The following MYO16 variants were observed in gnomAD, a reference collection of about 807,000 sequenced individuals.
The protein encoded by MYO16 is myosin XVI.
A neutral mutation model predicts 205.3 loss-of-function variants in MYO16; 94 were observed. That is an observed-to-expected ratio of 0.46 (90% confidence interval 0.39 to 0.54). MYO16 has a LOEUF of 0.54. Among genes scored for constraint, MYO16 ranks in the 20% least tolerant of loss-of-function variants. The pLI, the probability that MYO16 is intolerant of heterozygous loss-of-function variation, is 0.00. For missense variants in MYO16, 2,315 were observed against 2,387.5 expected, an observed-to-expected ratio of 0.97 and a Z score of 0.63; for synonymous variants, 988 against 954.0, an observed-to-expected ratio of 1.04 and a Z score of -0.66.
upstream of MYO16, among the ~76,000 whole-genome samples, chr13:108,594,780 C>A (rs72664927): frequency 6.6e-6 from 1 of 152,296 alleles, no homozygotes; most frequent in Non-Finnish European, 1.5e-5. Flanking sequence ...GGTCTTGTAC[C>A]ATTGCCTGCT....
chr13:108,707,960 CA>C (rs1410654568), intron 2 of MYO16, among the ~76,000 whole-genome samples: 4 of 152,148 alleles, frequency 2.6e-5, no homozygotes, highest in East Asian at 1.9e-4. Flanking sequence ...TTTTGGAGGA[CA>C]AAAACTCAGC....
chr13:108,932,677 G>A (rs1446619808), intron 16 of MYO16, among the ~76,000 whole-genome samples: 1 of 152,098 alleles, frequency 6.6e-6, no homozygotes, highest in African/African-American at 2.4e-5. Context: ...AAGTTTCCTT[G>A]TTGTCTGGCT....
intron 2 of MYO16, among the ~76,000 whole-genome samples, chr13:108,683,659 A>T (rs1378540486): frequency 6.6e-6 from 1 of 152,214 alleles, no homozygotes; most frequent in Non-Finnish European, 1.5e-5. Context: ...ATTGAAAATT[A>T]TTCTATAAAG....
chr13:108,918,746 C>T (rs1881610820), intron 16 of MYO16, among the ~76,000 whole-genome samples: 1 of 152,200 alleles, frequency 6.6e-6, no homozygotes, highest in African/African-American at 2.4e-5. Flanking sequence ...CGAGACCAAC[C>T]TGGCCAACAT....
intron 25 of MYO16, among the ~76,000 whole-genome samples, chr13:109,054,588 C>T (rs1887354041): frequency 6.6e-6 from 1 of 151,990 alleles, no homozygotes; most frequent in Non-Finnish European, 1.5e-5. Context: ...AAATGAGGAT[C>T]TATGTTTATT....
At chr13:108,966,489 C>T (rs1472028869) in intron 20 of MYO16, among the ~76,000 whole-genome samples, 1 of 152,132 alleles carries the variant, frequency 6.6e-6, no homozygotes, top group Non-Finnish European at 1.5e-5. Context: ...CAGAGAAAAA[C>T]TACAAACATA....
intron 4 of MYO16, among the ~76,000 whole-genome samples, chr13:108,751,233 G>A (rs546406878): frequency 6.6e-6 from 1 of 152,078 alleles, no homozygotes; most frequent in East Asian, 1.9e-4. Context: ...TTGGAGAAAC[G>A]ACTGAATCTA....
At position 108,950,098 on chromosome 13, in the gene MYO16, A is replaced by G. The variant is rs1335048510; in HGVS notation, c.1926-7590A>G. On this transcript the variant is annotated intron_variant, in intron 16 of 34. Transcript: ENST00000457511. ...TAAAGCAATACAATTTTTAGGGAAC[A>G]AAAGAAGGAAATATTTGGGATCCAT... is the stretch of plus-strand genomic sequence containing the variant. Among the ~76,000 whole-genome samples, 58 of 152,234 alleles carry G rather than the reference A, an allele frequency of 3.8e-4. 1 individual carries two copies. Among genetic ancestry groups the G allele is most frequent in the Non-Finnish European group, 8.8e-5 (6 of 68,038 alleles).
At chr13:108,803,176 T>C in intron 6 of MYO16, among the ~76,000 whole-genome samples, 1 of 152,228 alleles carries the variant, frequency 6.6e-6, no homozygotes, top group East Asian at 1.9e-4. Flanking sequence ...TGTTTTGCTG[T>C]TGAAACCAGG....
At chr13:109,130,116 A>G (rs1876460511) in intron 31 of MYO16, among the ~76,000 whole-genome samples, 2 of 152,170 alleles carry the variant, frequency 1.3e-5, no homozygotes, top group African/African-American at 2.4e-5. Flanking sequence ...AAGATTAATA[A>G]AGAAGACAGC....
At chr13:108,536,696 A>G in the MYO16 span, among the ~76,000 whole-genome samples, 1 of 152,190 alleles carries the variant, frequency 6.6e-6, no homozygotes, top group Non-Finnish European at 1.5e-5. Flanking sequence ...TGAAACTTTT[A>G]GTATAAACCA....
intron 20 of MYO16, among the ~76,000 whole-genome samples, chr13:108,986,127 A>T (rs979012722): frequency 6.6e-6 from 1 of 152,140 alleles, no homozygotes; most frequent in Non-Finnish European, 1.5e-5. Context: ...CACTATCATG[A>T]GATTATCGTG....
chr13:109,055,332 T>C lies in MYO16; in HGVS notation c.3130-58T>C, dbSNP rs1303477112. On this transcript the variant is annotated intron_variant, in intron 26 of 34. Transcript: ENST00000457511. The surrounding 1 kb of genome is among the most constrained non-coding windows in gnomAD (Gnocchi z 5.0). Reference sequence around the variant, plus strand: ...AAGACTTTTTATTTAAAAACTGCTTTATATTTTTAGCTAGTGTCTCCTTTG... The same window carrying C: ...AAGACTTTTTATTTAAAAACTGCTTCATATTTTTAGCTAGTGTCTCCTTTG... The C allele has an allele frequency of 2.9e-6, 4 of 1,397,766 alleles. No homozygotes were observed. Among genetic ancestry groups the C allele is most frequent in the Non-Finnish European group, 3.9e-6 (4 of 1,014,252 alleles). 86.6% of individuals were successfully genotyped at this position (1,397,766 alleles called of 1,614,324 possible). A position where few individuals can be genotyped will look rare whatever the true frequency, so the allele number is the denominator to read the frequency against.
At chr13:109,005,986 C>A (rs973567605) in intron 21 of MYO16, among the ~76,000 whole-genome samples, 2 of 152,100 alleles carry the variant, frequency 1.3e-5, no homozygotes, top group African/African-American at 4.8e-5. Flanking sequence ...AGTGGGAGCT[C>A]CCTTTGGGAG....
chr13:108,505,276 A>T, the MYO16 span, among the ~76,000 whole-genome samples: 1 of 152,164 alleles, frequency 6.6e-6, no homozygotes, highest in Non-Finnish European at 1.5e-5. Flanking sequence ...TCCCCACTAA[A>T]AGTGCACAAG....
intron 21 of MYO16, among the ~76,000 whole-genome samples, chr13:108,996,689 T>C (rs909243077): frequency 6.6e-6 from 1 of 152,242 alleles, no homozygotes; most frequent in Non-Finnish European, 1.5e-5. Flanking sequence ...AGTCAGTTGG[T>C]GGCTGATGGA....
intron 9 of MYO16, among the ~76,000 whole-genome samples, chr13:108,839,314 C>T (rs1032847031): frequency 8.5e-5 from 13 of 152,114 alleles, no homozygotes; most frequent in Admixed American, 4.6e-4. Flanking sequence ...AAAGTTCCAC[C>T]TCTCAATACT....
At chr13:109,064,236 C>T (rs545596849) in intron 27 of MYO16, among the ~76,000 whole-genome samples, 2 of 152,198 alleles carry the variant, frequency 1.3e-5, no homozygotes, top group East Asian at 3.8e-4. Context: ...AAAATATTTA[C>T]TCTCTGGCCC....
intron 1 of MYO16, among the ~76,000 whole-genome samples, chr13:108,662,433 G>A (rs1881544426): frequency 6.6e-6 from 1 of 152,182 alleles, no homozygotes; most frequent in Non-Finnish European, 1.5e-5. Context: ...ACTGAGCTTA[G>A]ACTCTCCTTG....
Sources: gnomAD v4.1 joint callset for allele counts (sites outside exome capture counted in the v4.1 genomes callset) on GRCh38, gnomAD v4.1.1 for gene constraint, Gnocchi (gnomAD v3.1) non-coding constraint, MANE v1.5 for transcripts, NCBI Gene and HGNC (gene_info 2026-07-23, HGNC 2026-07-21) for gene names.